KLF8: variants seen among roughly 807,000 people sequenced by gnomAD.
The protein encoded by KLF8 is KLF transcription factor 8, also known as Krueppel-like factor 8.
KLF8 carries 10 observed loss-of-function variants against 18.2 expected under a neutral mutation model. The observed-to-expected ratio is 0.55, with a 90% CI of 0.34 to 0.93. The LOEUF (loss-of-function observed/expected upper bound fraction) is 0.93. Among genes scored for constraint, KLF8 ranks in the 40% least tolerant of loss-of-function variants. The pLI is 0.02. For synonymous variants in KLF8, 109 were observed against 97.3 expected (o/e 1.12, Z -0.71); for missense variants, 264 against 277.9 (o/e 0.95, Z 0.36).
At chrX:56,281,275 A>G (rs892676319) in intron 5 of KLF8, among the ~76,000 whole-genome samples, 1 of 111,674 alleles carries the variant, frequency 9.0e-6, no homozygotes, top group Admixed American at 9.5e-5. Context: ...TATATGTACC[A>G]TTCACTGCAC....
chrX:56,037,755 T>C, the KLF8 span, among the ~76,000 whole-genome samples: 1 of 111,033 alleles, frequency 9.0e-6, no homozygotes, highest in African/African-American at 3.3e-5. Context: ...CAATGTGAAA[T>C]AAACACATCA....
At chrX:56,170,426 A>G in the KLF8 span, among the ~76,000 whole-genome samples, 9 of 110,535 alleles carry the variant, frequency 8.1e-5, no homozygotes, top group African/African-American at 2.6e-4. Context: ...ACAAAACTCA[A>G]AAAAGTTCAA....
the KLF8 span, among the ~76,000 whole-genome samples, chrX:56,028,767 C>T: frequency 1.7e-4 from 19 of 111,135 alleles, no homozygotes; most frequent in South Asian, 6.9e-3. Context: ...GTTTTTGGTT[C>T]TCAGGAGCTA....
chrX:56,187,139 GAAGAA>G, the KLF8 span, among the ~76,000 whole-genome samples: 1 of 111,265 alleles, frequency 9.0e-6, no homozygotes, highest in African/African-American at 3.3e-5. Context: ...GACTAATAAA[GAAGAA>G]AAGAGAGAAG....
intron 5 of KLF8, among the ~76,000 whole-genome samples, chrX:56,283,932 C>T (rs1331626113): frequency 1.8e-5 from 2 of 111,936 alleles, no homozygotes; most frequent in Non-Finnish European, 3.8e-5. Context: ...GAACAAGAGG[C>T]TATGTGCTTC....
chrX:55,942,441 C>G, the KLF8 span, among the ~76,000 whole-genome samples: 1 of 110,121 alleles, frequency 9.1e-6, no homozygotes, highest in East Asian at 2.8e-4. Context: ...ATGGGTGCAG[C>G]ACACCAACAT....
the KLF8 span, among the ~76,000 whole-genome samples, chrX:56,117,333 T>C: frequency 8.9e-6 from 1 of 112,015 alleles, no homozygotes; most frequent in Non-Finnish European, 1.9e-5. Context: ...GAGCATCTGC[T>C]CTATTGCAAG....
At chrX:56,259,924 A>G (rs1475244522) in intron 2 of KLF8, among the ~76,000 whole-genome samples, 3 of 112,039 alleles carry the variant, frequency 2.7e-5, no homozygotes, top group African/African-American at 6.5e-5. Context: ...GGGTTAAAAC[A>G]AGAGAAATGT....
At chrX:56,111,989 C>G in the KLF8 span, among the ~76,000 whole-genome samples, 6 of 111,545 alleles carry the variant, frequency 5.4e-5, no homozygotes, top group Non-Finnish European at 9.4e-5. Flanking sequence ...TGGGTATATA[C>G]CCAAAGGGTT....
chrX:56,025,628 T>A, the KLF8 span, among the ~76,000 whole-genome samples: 18 of 111,855 alleles, frequency 1.6e-4, no homozygotes, highest in East Asian at 2.5e-3. Context: ...GTGTCGAATT[T>A]TAGGGTTACA....
At chrX:55,973,897 A>G in the KLF8 span, among the ~76,000 whole-genome samples, 7 of 111,875 alleles carry the variant, frequency 6.3e-5, no homozygotes, top group Admixed American at 6.7e-4. Flanking sequence ...TGTTCATAGC[A>G]GCAGTATTCA....
At chrX:56,113,607 G>GAAAAAAGA in the KLF8 span, among the ~76,000 whole-genome samples, 1 of 82,971 alleles carries the variant, frequency 1.2e-5, no homozygotes, top group African/African-American at 5.6e-5. Context: ...TTAAAAAGGA[G>GAAAAAAGA]AAAAAAGAAA....
the KLF8 span, among the ~76,000 whole-genome samples, chrX:56,023,296 A>G: frequency 8.9e-6 from 1 of 112,091 alleles, no homozygotes; most frequent in African/African-American, 3.2e-5. Context: ...AAAATGATAG[A>G]TGTGAATCCT....
chrX:55,966,530 T>C, the KLF8 span, among the ~76,000 whole-genome samples: 1 of 112,368 alleles, frequency 8.9e-6, no homozygotes, highest in South Asian at 3.7e-4. Flanking sequence ...TCTATGAGTC[T>C]GCAAGAACTA....
chrX:55,990,268 C>T, the KLF8 span, among the ~76,000 whole-genome samples: 9 of 111,473 alleles, frequency 8.1e-5, no homozygotes, highest in East Asian at 1.7e-3. Flanking sequence ...GCTGTTGCTT[C>T]TCTAGTTCTT....
the KLF8 span, among the ~76,000 whole-genome samples, chrX:56,162,321 G>T: frequency 8.9e-6 from 1 of 112,091 alleles, no homozygotes; most frequent in Non-Finnish European, 1.9e-5. Flanking sequence ...ATTTAATTCT[G>T]CAGAGTTTTC....
the KLF8 span, among the ~76,000 whole-genome samples, chrX:56,104,979 A>G: frequency 1.8e-5 from 2 of 112,033 alleles, no homozygotes; most frequent in Non-Finnish European, 3.8e-5. Context: ...TGTACCCAGT[A>G]GTCACTCAGG....
At chrX:55,956,173 T>TATCTATC in the KLF8 span, among the ~76,000 whole-genome samples, 7 of 99,373 alleles carry the variant, frequency 7.0e-5, no homozygotes, top group Non-Finnish European at 1.4e-4. Flanking sequence ...ATCTATCATC[T>TATCTATC]ATCTATCTAT....
chrX:56,016,048 T>G, the KLF8 span, among the ~76,000 whole-genome samples: 1 of 112,076 alleles, frequency 8.9e-6, no homozygotes, highest in Non-Finnish European at 1.9e-5. Context: ...AATGCTTTTT[T>G]GGAGCATTTG....
Sources: allele counts gnomAD v4.1 joint callset (sites outside exome capture counted in the v4.1 genomes callset), GRCh38; gene constraint gnomAD v4.1.1; transcripts MANE v1.5; gene names NCBI Gene and HGNC (gene_info 2026-07-23, HGNC 2026-07-21).